MAPRE1: variants seen among roughly 807,000 people sequenced by gnomAD.
The protein encoded by MAPRE1 is microtubule-associated protein RP/EB family member 1.
MAPRE1 carries 5 observed loss-of-function variants against 32.1 expected under a neutral mutation model. That is an observed-to-expected ratio of 0.16 (90% CI 0.08 to 0.33). The LOEUF is 0.33. Ranked by LOEUF, MAPRE1 falls within the 10% of genes least tolerant of loss-of-function variation. MAPRE1 has a pLI of 1.00. For missense variants in MAPRE1, 209 were observed against 327.2 expected (o/e 0.64, Z 2.79); for synonymous variants, 122 against 118.9 (o/e 1.03, Z -0.17).
rs1257980635 is a variant in MAPRE1 at position 32,825,116 on chromosome 20, C to T, written c.-3-809C>T. On this transcript the variant is annotated intron_variant, in intron 1 of 6. Coordinates refer to ENST00000375571, the MANE Select transcript of MAPRE1 (RefSeq NM_012325.3). ...GCAGTGAGTTGAGATCGTGCCATTGCACTCCAGTCTGGGCACCAGAGCAAG... is the reference window on the plus strand; with the variant it reads ...GCAGTGAGTTGAGATCGTGCCATTGTACTCCAGTCTGGGCACCAGAGCAAG... 3.4e-5 allele frequency among the ~76,000 whole-genome samples: 5 copies of T among 148,700 alleles called. No homozygotes were observed. The East Asian group carries it at 7.9e-4, about 24-fold the overall frequency.
intron 1 of MAPRE1, among the ~76,000 whole-genome samples, chr20:32,821,453 C>A (rs966640714): frequency 6.6e-6 from 1 of 152,222 alleles, no homozygotes; most frequent in Admixed American, 6.5e-5. Flanking sequence ...ACACTTTCTC[C>A]CTGAGGTCCA....
In MAPRE1 at chr20:32,836,615, C is replaced by G; in HGVS notation, c.268-19C>G. ...CAAAAGCCTCTTTTTTGGGGCTAAA[C>G]AGTTGTTTTTCTCTGCAGATAATTC... is the stretch of plus-strand genomic sequence containing the variant. On this transcript the variant is annotated intron_variant, in intron 3 of 6. Transcript: ENST00000375571. 6.7e-7 allele frequency: 1 copy of G among 1,486,612 alleles called. No homozygotes were observed. The highest frequency in any genetic ancestry group is 9.4e-7 in the Non-Finnish European group (1 of 1,067,408). The allele number at this position is 1,486,612 out of a possible 1,614,324, so 92.1% of individuals were successfully genotyped here. A position where few individuals can be genotyped will look rare whatever the true frequency, so the allele number is the denominator to read the frequency against.
At chr20:32,834,097 A>T (rs1983116932) in intron 3 of MAPRE1, among the ~76,000 whole-genome samples, 1 of 152,216 alleles carries the variant, frequency 6.6e-6, no homozygotes, top group African/African-American at 2.4e-5. Context: ...TAGAGGAGTC[A>T]GCCTGTAAAT....
Position 32,833,873 on chromosome 20 carries a change from G to A in MAPRE1, c.267+11G>A, listed in dbSNP as rs764984828. 1.4e-5 allele frequency: 22 copies of A among 1,610,406 alleles called. No individual in the cohort carries two copies. The highest frequency in any genetic ancestry group is 6.7e-5 in the Admixed American group (4 of 59,794). On this transcript the variant is annotated intron_variant, in intron 3 of 6. Coordinates refer to ENST00000375571, the MANE Select transcript of MAPRE1 (RefSeq NM_012325.3). ...ATGGGTGTTGACAAAGTAAGTAAACGTTATCTTTTATTGTGGTTAATGTTC... is the reference window on the plus strand; with the variant it reads ...ATGGGTGTTGACAAAGTAAGTAAACATTATCTTTTATTGTGGTTAATGTTC...
rs1983211207 is a variant in MAPRE1 at position 32,836,724 on chromosome 20, G to C, written c.358G>C (p.Asp120His). Reference sequence around the variant, plus strand: ...CAAGAAGTTTTTCGATGCAAACTATGATGGAAAAGACTATGACCCTGTGGC... The same window carrying C: ...CAAGAAGTTTTTCGATGCAAACTATCATGGAAAAGACTATGACCCTGTGGC... ...WFKKFFDANYDGKDYDPVAAR... is the reference protein window; with the variant it reads ...WFKKFFDANYHGKDYDPVAAR... Residue 120 changes from aspartate to histidine, a missense_variant, in exon 4 of 7, where the codon GAT becomes CAT. Physicochemically the swap from Asp to His is moderately conservative, Grantham distance 81 (BLOSUM62 -1). Transcript: ENST00000375571. The C allele has an allele frequency of 1.2e-6, 2 of 1,613,712 alleles. No homozygotes were observed. Among genetic ancestry groups the C allele is most frequent in the African/African-American group, 1.3e-5 (1 of 75,030 alleles).
rs146479737 is a variant in MAPRE1, at chr20:32,828,187, G to A, written c.121+2139G>A. 6.0e-3 allele frequency among the ~76,000 whole-genome samples: 917 copies of A among 152,138 alleles called. 6 individuals are homozygous for A. Among genetic ancestry groups the A allele is most frequent in the Middle Eastern group, 0.014 (4 of 294 alleles). On this transcript the variant is annotated intron_variant, in intron 2 of 6. Coordinates refer to ENST00000375571, the MANE Select transcript of MAPRE1 (RefSeq NM_012325.3). ...AGGCTGTTAGCCTTAGATCTGTGCT[G>A]TGTCCCCCCCACCATTTTCTATTAG... is the stretch of plus-strand genomic sequence containing the variant.
At chr20:32,839,375 GT>G (rs562321153) in intron 4 of MAPRE1, among the ~76,000 whole-genome samples, 274 of 152,326 alleles carry the variant, frequency 1.8e-3, no homozygotes, top group Non-Finnish European at 3.3e-3. Flanking sequence ...GAAACAACCT[GT>G]TTGTGGATTT....
At chr20:32,834,537 G>A (rs1290271830) in intron 3 of MAPRE1, among the ~76,000 whole-genome samples, 5 of 151,838 alleles carry the variant, frequency 3.3e-5, no homozygotes, top group African/African-American at 1.2e-4. Flanking sequence ...AGCCATTTTT[G>A]GGGGGATAAC....
At chr20:32,825,885 A>G (rs377065072) in intron 1 of MAPRE1, 40 bp from the exon 2 acceptor site, 6 of 1,524,262 alleles carry the variant, frequency 3.9e-6, no homozygotes, top group South Asian at 1.3e-5. Context: ...TTGCATGCCT[A>G]ATGTAACACA....
chr20:32,837,413 G>C (rs932196511), intron 4 of MAPRE1, among the ~76,000 whole-genome samples: 1 of 152,192 alleles, frequency 6.6e-6, no homozygotes, highest in African/African-American at 2.4e-5. Context: ...AGAGTCAGGG[G>C]CGGGGGTAGG....
chr20:32,846,592 CT>C, intron 5 of MAPRE1, 25 bp from the exon 6 acceptor site: 6 of 1,611,510 alleles, frequency 3.7e-6, no homozygotes, highest in Non-Finnish European at 5.1e-6. Flanking sequence ...TGCCAAGCAT[CT>C]CACCCTTTTT....
At chr20:32,828,309 C>T (rs1982923513) in intron 2 of MAPRE1, among the ~76,000 whole-genome samples, 1 of 152,132 alleles carries the variant, frequency 6.6e-6, no homozygotes, top group Admixed American at 6.5e-5. Flanking sequence ...TGAGGTCATC[C>T]TAGTTTTCAC....
intron 6 of MAPRE1, among the ~76,000 whole-genome samples, chr20:32,847,729 T>C (rs1983542395): frequency 6.6e-6 from 1 of 152,158 alleles, no homozygotes; most frequent in African/African-American, 2.4e-5. Context: ...TTAATAGAAA[T>C]AAGATGGTGG....
intron 5 of MAPRE1, among the ~76,000 whole-genome samples, chr20:32,845,035 G>GT (rs1259475117): frequency 2.0e-3 from 293 of 148,476 alleles, no homozygotes; most frequent in Middle Eastern, 0.01. Flanking sequence ...ATGTATGTAT[G>GT]AATGAATGAA....
chr20:32,824,877 C>T (rs1982798226), intron 1 of MAPRE1, among the ~76,000 whole-genome samples: 2 of 151,630 alleles, frequency 1.3e-5, no homozygotes, highest in South Asian at 4.2e-4. Flanking sequence ...TCGGGCCAGG[C>T]GTGGTGGCTC....
At chr20:32,844,671 C>G (rs943434198) in intron 5 of MAPRE1, among the ~76,000 whole-genome samples, 2 of 152,078 alleles carry the variant, frequency 1.3e-5, no homozygotes, top group Admixed American at 6.6e-5. Context: ...CTTGGCCTCC[C>G]AAAGTGCTGG....
At chr20:32,832,034 T>TA (rs1319388998) in intron 2 of MAPRE1, among the ~76,000 whole-genome samples, 2 of 152,022 alleles carry the variant, frequency 1.3e-5, no homozygotes, top group Non-Finnish European at 2.9e-5. Flanking sequence ...ATCAAGGCCT[T>TA]AACCTTCTGA....
intron 6 of MAPRE1, among the ~76,000 whole-genome samples, chr20:32,848,045 A>ATT (rs754492387): frequency 6.9e-6 from 1 of 145,072 alleles, no homozygotes. Flanking sequence ...TTTGAGGGAA[A>ATT]TTTTTTTTTT....
At chr20:32,827,668 G>A (rs1982898921) in intron 2 of MAPRE1, among the ~76,000 whole-genome samples, 2 of 151,968 alleles carry the variant, frequency 1.3e-5, no homozygotes, top group South Asian at 2.1e-4. Context: ...AGGCCGAGGC[G>A]GGTGGATCAT....
Sources: gnomAD v4.1 joint callset for allele counts (sites outside exome capture counted in the v4.1 genomes callset) on GRCh38, gnomAD v4.1.1 for gene constraint, MANE v1.5 for transcripts, NCBI Gene and HGNC (gene_info 2026-07-23, HGNC 2026-07-21) for gene names.